ZZEF1: variants seen among roughly 807,000 people sequenced by gnomAD.
ZZEF1 encodes zinc finger ZZ-type and EF-hand domain-containing protein 1.
Under a neutral mutation model 342.8 loss-of-function variants are expected in ZZEF1, and 157 were observed. The observed-to-expected ratio is 0.46, with a 90% CI of 0.40 to 0.52. The LOEUF (loss-of-function observed/expected upper bound fraction) is 0.52. ZZEF1 is among the 20% of genes least tolerant of loss of function. The pLI is 0.00. For synonymous variants in ZZEF1, 1,505 were observed against 1,429.1 expected, an observed-to-expected ratio of 1.05 and a Z score of -1.20; for missense variants, 3,480 against 3,725.6, an observed-to-expected ratio of 0.93 and a Z score of 1.72.
chr17:4,052,878 G>GGC lies in ZZEF1; in HGVS notation c.5435-743_5435-742insGC, dbSNP rs1555589492. ...TGAGACTTTGTCTCGGGAGGGCGGC[G>GGC]GGGGAGAAAAAACCAGACCCAGACC... On this transcript the variant is annotated intron_variant, in intron 34 of 54. Coordinates refer to ENST00000381638, the MANE Select transcript of ZZEF1 (RefSeq NM_015113.4). 5.4e-4 allele frequency among the ~76,000 whole-genome samples: 61 copies of GGC among 113,644 alleles called. 2 individuals are homozygous for GGC. The highest frequency in any genetic ancestry group is 2.5e-3 in the African/African-American group (57 of 22,460). The allele number at this position is 113,644 out of a possible 152,430, so 74.6% of individuals were successfully genotyped here.
At chr17:4,069,480 T>G (rs939311581) in intron 26 of ZZEF1, among the ~76,000 whole-genome samples, 1 of 152,158 alleles carries the variant, frequency 6.6e-6, no homozygotes, top group African/African-American at 2.4e-5. Flanking sequence ...AAATAAATTC[T>G]GCAATGTGAG....
In ZZEF1 at chr17:4,058,122, T is replaced by C; in HGVS notation, c.5037A>G (p.Thr1679=). 1 of 1,613,972 alleles carries C rather than the reference T, an allele frequency of 6.2e-7. No homozygotes were observed. The highest frequency in any genetic ancestry group is 8.5e-7 in the Non-Finnish European group (1 of 1,179,902). ...CCATATCCAAAAGATGAAGCAGGGC[T>C]GTCTGAACACAGGATAAGGCAGGGA... ...SLLPALSCVQ[T]ALLHLLDMGW... The change falls in exon 32 of 55, where the codon ACA becomes ACG. Residue 1679 remains threonine, a synonymous_variant. Coordinates refer to ENST00000381638, the MANE Select transcript of ZZEF1 (RefSeq NM_015113.4).
intron 53 of ZZEF1, 200 bp from the exon 54 acceptor site, chr17:4,009,154 C>G: frequency 1.6e-6 from 1 of 641,732 alleles, no homozygotes; most frequent in Non-Finnish European, 2.7e-6. Flanking sequence ...ACCTTTGCCT[C>G]CACCTGCCCT....
At chr17:4,076,830 C>T (rs2057631626) in intron 20 of ZZEF1, 38 bp downstream of exon 20, 1 of 1,613,394 alleles carries the variant, frequency 6.2e-7, no homozygotes, top group Non-Finnish European at 8.5e-7. Context: ...CCCCAACCCC[C>T]TTCCGGTTCT....
intron 28 of ZZEF1, 45 bp from the exon 29 acceptor site, chr17:4,064,874 A>T: frequency 1.6e-5 from 19 of 1,187,114 alleles, no homozygotes; most frequent in Non-Finnish European, 1.9e-5. Context: ...AAAAGTTAAA[A>T]TTATGGGGGA....
At chr17:4,036,815 A>T (rs947180894) in intron 39 of ZZEF1, among the ~76,000 whole-genome samples, 32 of 78,730 alleles carry the variant, frequency 4.1e-4, no homozygotes, top group African/African-American at 1.1e-3. Context: ...ACACACACAC[A>T]CACTCTCTCT....
rs1567770330 is a variant in ZZEF1, at chr17:4,024,205, T to TTG, written c.7092+713_7092+714insCA. On this transcript the variant is annotated intron_variant, in intron 43 of 54. Transcript: ENST00000381638. ...GCCCAGGTTTTTTTTTTTTTTTTTT[T>TTG]TTTTTTTTTACAGAGGGAGTCTTGC... Among the ~76,000 whole-genome samples, 524 of 144,172 alleles carry TTG rather than the reference T, an allele frequency of 3.6e-3. 14 individuals carry two copies. Among genetic ancestry groups the TTG allele is most frequent in the African/African-American group, 0.013 (493 of 38,226 alleles). 94.6% of individuals were successfully genotyped at this position (144,172 alleles called of 152,430 possible).
chr17:4,079,045 A>C (rs2057674746), intron 18 of ZZEF1, among the ~76,000 whole-genome samples: 1 of 152,248 alleles, frequency 6.6e-6, no homozygotes, highest in African/African-American at 2.4e-5. Context: ...AGAGAAGAAA[A>C]GACACACAAC....
At chr17:4,066,934 C>T (rs906668810) in intron 27 of ZZEF1, among the ~76,000 whole-genome samples, 13 of 152,268 alleles carry the variant, frequency 8.5e-5, no homozygotes, top group Middle Eastern at 6.8e-3. Flanking sequence ...CGGAGTTCCA[C>T]GAAGGGATGT....
Position 4,123,923 on chromosome 17 carries a change from G to A in ZZEF1, c.483C>T (p.Ala161=). 6.2e-7 allele frequency: 1 copy of A among 1,613,948 alleles called. No homozygotes were observed. The highest frequency in any genetic ancestry group is 8.5e-7 in the Non-Finnish European group (1 of 1,179,958). The part of the protein sequence containing the change: ...ELSHIIRQLQ[A]CSLVPGFTDI... ...AAGCCTCACCTGGAACCAGAGAGCA[G>A]GCCTGTAGTTGTCTGATGATGTGGC... The change falls in exon 2 of 55, where the codon GCC becomes GCT. Residue 161 remains alanine (A), a synonymous_variant. Transcript: ENST00000381638.
chr17:4,111,007 C>T lies in ZZEF1; in HGVS notation c.1067-1144G>A, dbSNP rs925236383. On this transcript the variant is annotated intron_variant, in intron 5 of 54. Coordinates refer to ENST00000381638, the MANE Select transcript of ZZEF1 (RefSeq NM_015113.4). ...GGATTGGAGGTGTGAGCCACTGCACCCAGCCAATTACGGCATATTTTTACA... is the reference window on the plus strand; with the variant it reads ...GGATTGGAGGTGTGAGCCACTGCACTCAGCCAATTACGGCATATTTTTACA... Among the ~76,000 whole-genome samples the T allele has an allele frequency of 2.6e-5, 4 of 152,138 alleles. No homozygotes were observed. The South Asian group carries it at 6.2e-4, about 24-fold the overall frequency.
In ZZEF1 at chr17:4,052,047, G is replaced by A. The variant is rs200295707; in HGVS notation, c.5524C>T (p.Arg1842Trp). The change falls in exon 35 of 55, where the codon CGG becomes TGG. Residue 1842 changes from arginine to tryptophan, a missense_variant. Coordinates refer to ENST00000381638, the MANE Select transcript of ZZEF1 (RefSeq NM_015113.4). ...TCGCAAACATTGCAGTTCATCCTCC[G>A]GCCTATGATCAAACCCTGGCAGTGG... ...CDHCQGLIIG[R>W]RMNCNVCDDF... The A allele has an allele frequency of 4.3e-6, 7 of 1,614,002 alleles. No individual in the cohort carries two copies. Among genetic ancestry groups the A allele is most frequent in the Non-Finnish European group, 5.9e-6 (7 of 1,179,996 alleles).
At chr17:4,044,796 C>T (rs764866274) in intron 37 of ZZEF1, among the ~76,000 whole-genome samples, 7 of 152,018 alleles carry the variant, frequency 4.6e-5, no homozygotes, top group South Asian at 2.1e-4. Context: ...GGATTACAGG[C>T]GTGAGCTACC....
intron 14 of ZZEF1, among the ~76,000 whole-genome samples, chr17:4,086,886 T>TTTG (rs1220107435): frequency 2.6e-5 from 4 of 152,040 alleles, no homozygotes; most frequent in Non-Finnish European, 5.9e-5. Flanking sequence ...TTCATTTCTT[T>TTTG]TTGTTGTTGT....
intron 9 of ZZEF1, among the ~76,000 whole-genome samples, chr17:4,101,391 T>C (rs990440061): frequency 1.3e-5 from 2 of 151,858 alleles, no homozygotes; most frequent in Non-Finnish European, 2.9e-5. Flanking sequence ...CTTCCTCTAG[T>C]GAATCAGCAA....
At chr17:4,132,975 A>G (rs898166594) in intron 1 of ZZEF1, among the ~76,000 whole-genome samples, 2 of 151,592 alleles carry the variant, frequency 1.3e-5, no homozygotes, top group African/African-American at 2.4e-5. Context: ...CAAAAAAAAA[A>G]GTGGAGCAGG....
Position 4,013,979 on chromosome 17 carries a change from G to C in ZZEF1, c.8413+111C>G. On this transcript the variant is annotated intron_variant, in intron 51 of 54. Coordinates refer to ENST00000381638, the MANE Select transcript of ZZEF1 (RefSeq NM_015113.4). ...TGTGAGACAAATTTGGAAAGTGTGA[G>C]AGACAAGTACCTGCTTTGATTTTAA... 4 of 1,039,346 alleles carry C rather than the reference G, an allele frequency of 3.8e-6. No individual in the cohort carries two copies. The South Asian group carries it at 5.9e-5, about 15-fold the overall frequency. 64.4% of individuals were successfully genotyped at this position (1,039,346 alleles called of 1,614,324 possible). A position where few individuals can be genotyped will look rare whatever the true frequency, so the allele number is the denominator to read the frequency against.
intron 25 of ZZEF1, among the ~76,000 whole-genome samples, chr17:4,071,919 G>A (rs1345750103): frequency 2.0e-5 from 3 of 152,118 alleles, no homozygotes; most frequent in Non-Finnish European, 4.4e-5. Flanking sequence ...CTGTGGGGAA[G>A]GGAAGAAAGC....
In ZZEF1 at chr17:4,032,825, T is replaced by C; in HGVS notation, c.6759+3A>G. 6.2e-7 allele frequency: 1 copy of C among 1,613,828 alleles called. No individual in the cohort carries two copies. The highest frequency in any genetic ancestry group is 1.6e-4 in the Middle Eastern group (1 of 6,062). On this transcript the variant is annotated splice_donor_region_variant and intron_variant, in intron 41 of 54. Coordinates refer to ENST00000381638, the MANE Select transcript of ZZEF1 (RefSeq NM_015113.4). ...AGGCCCTCAGGCCTTCAGAGTGTGG[T>C]ACCTGGGGGAAGCCAACCAGCACGA...
Sources: allele counts gnomAD v4.1 joint callset (sites outside exome capture counted in the v4.1 genomes callset), GRCh38; gene constraint gnomAD v4.1.1; transcripts MANE v1.5; gene names NCBI Gene and HGNC (gene_info 2026-07-23, HGNC 2026-07-21).